The following ASTN2 variants were observed in gnomAD, a reference collection of about 807,000 sequenced individuals.
The protein encoded by ASTN2 is astrotactin 2.
A neutral mutation model predicts 139.8 loss-of-function variants in ASTN2; 54 were observed. The observed-to-expected ratio is 0.39, with a 90% CI of 0.31 to 0.48. ASTN2 has a LOEUF of 0.48. Ranked by LOEUF, ASTN2 falls within the 20% of genes least tolerant of loss-of-function variation. ASTN2 has a pLI of 0.95. For missense variants in ASTN2, 1,565 were observed against 1,725.1 expected (o/e 0.91, Z 1.64); for synonymous variants, 756 against 719.5 (o/e 1.05, Z -0.81).
chr9:116,610,454 A>C (rs62576133), intron 19 of ASTN2, among the ~76,000 whole-genome samples: 23,622 of 152,052 alleles, frequency 0.16, 2,003 homozygotes, highest in African/African-American at 0.2. Flanking sequence ...AAAATACAAA[A>C]ATTAGCTGGG....
intron 1 of ASTN2, among the ~76,000 whole-genome samples, chr9:117,365,313 AAAAGAAAG>A (rs199655241): frequency 3.6e-4 from 53 of 148,158 alleles, no homozygotes; most frequent in South Asian, 1.7e-3. Context: ...GAAAGAAAGA[AAAAGAAAG>A]AAAGAAAGAA....
chr9:117,312,888 A>G (rs1199673013), intron 1 of ASTN2, among the ~76,000 whole-genome samples: 1 of 152,090 alleles, frequency 6.6e-6, no homozygotes, highest in African/African-American at 2.4e-5. Flanking sequence ...CGTAAAAAAA[A>G]CCCATGGAAA....
intron 16 of ASTN2, among the ~76,000 whole-genome samples, chr9:116,684,078 G>C (rs1860053902): frequency 1.3e-5 from 2 of 152,116 alleles, no homozygotes; most frequent in Non-Finnish European, 2.9e-5. Context: ...GGAACCCCAA[G>C]TTATTTTGGG....
intron 2 of ASTN2, among the ~76,000 whole-genome samples, chr9:117,287,762 G>T (rs564831713): frequency 2.0e-5 from 3 of 152,296 alleles, no homozygotes; most frequent in South Asian, 4.1e-4. Flanking sequence ...TTACTCCTAA[G>T]TTGAAGTCCT....
intron 3 of ASTN2, among the ~76,000 whole-genome samples, chr9:117,183,990 A>G (rs7852919): frequency 0.3 from 45,101 of 152,008 alleles, 6,871 homozygotes; most frequent in African/African-American, 0.35. Flanking sequence ...CAGCCCTCAG[A>G]ACCAAGCCAA....
chr9:116,695,647 T>G (rs1003318405), intron 16 of ASTN2, among the ~76,000 whole-genome samples: 38 of 152,318 alleles, frequency 2.5e-4, no homozygotes, highest in Admixed American at 2.3e-3. Flanking sequence ...ATCACAAGAC[T>G]GCACAGATAC....
At chr9:116,680,322 AG>A (rs1384236793) in intron 16 of ASTN2, among the ~76,000 whole-genome samples, 3 of 152,254 alleles carry the variant, frequency 2.0e-5, no homozygotes, top group African/African-American at 7.2e-5. Flanking sequence ...AGACTAAACC[AG>A]GAAGAAGTTG....
chr9:116,532,521 C>A (rs1290218401), intron 19 of ASTN2, among the ~76,000 whole-genome samples: 3 of 152,184 alleles, frequency 2.0e-5, no homozygotes, highest in Non-Finnish European at 1.5e-5. Flanking sequence ...TTCAATCCAC[C>A]TTGAATTAAT....
chr9:117,052,270 C>A (rs1002365086), intron 5 of ASTN2, among the ~76,000 whole-genome samples: 13 of 151,204 alleles, frequency 8.6e-5, no homozygotes, highest in African/African-American at 2.5e-4. Flanking sequence ...GAAACCCCGT[C>A]TTTACTAAAA....
chr9:116,773,085 A>AT (rs11464715), intron 13 of ASTN2, among the ~76,000 whole-genome samples: 98,203 of 143,428 alleles, frequency 0.68, 33,676 homozygotes, highest in Admixed American at 0.72. Flanking sequence ...CCTCCATCCT[A>AT]TTTTTTTTTT....
chr9:117,404,050 G>A (rs559382231), intron 1 of ASTN2, among the ~76,000 whole-genome samples: 53 of 152,306 alleles, frequency 3.5e-4, no homozygotes, highest in African/African-American at 1.3e-3. Context: ...TCCAGGTGGC[G>A]AAGAGGCACA....
At chr9:117,217,669 C>T (rs565109770) in intron 2 of ASTN2, among the ~76,000 whole-genome samples, 2 of 152,294 alleles carry the variant, frequency 1.3e-5, no homozygotes, top group South Asian at 4.1e-4. Flanking sequence ...ATAATGCCAC[C>T]TCATTGGGTC....
chr9:117,348,164 C>A (rs1031897229), intron 1 of ASTN2, among the ~76,000 whole-genome samples: 2 of 152,092 alleles, frequency 1.3e-5, no homozygotes, highest in African/African-American at 4.8e-5. Flanking sequence ...CAGGTCAACC[C>A]GTCTCCCAAG....
At position 116,467,338 on chromosome 9, in the gene ASTN2, C is replaced by T. The variant is rs1034775368; in HGVS notation, c.3497+20021G>A. ...CTGGAGTGCAGTGGTGCGATCTTGG[C>T]TCACTGCAACCTCCCCCTCCCGGGT... On this transcript the variant is annotated intron_variant, in intron 20 of 22. Transcript: ENST00000313400. 7.9e-5 allele frequency among the ~76,000 whole-genome samples: 12 copies of T among 152,296 alleles called. No individual in the cohort carries two copies. In the South Asian group the frequency reaches 2.3e-3, roughly 29 times the overall value.
At chr9:116,884,811 C>CCCA (rs1554756749) in intron 10 of ASTN2, among the ~76,000 whole-genome samples, 40 of 126,414 alleles carry the variant, frequency 3.2e-4, no homozygotes, top group Non-Finnish European at 5.4e-4. Flanking sequence ...CCGCCCCCCC[C>CCCA]CCACCCACTT....
At chr9:116,651,818 G>A (rs747857565) in intron 16 of ASTN2, 25 bp from the exon 17 acceptor site, 3 of 1,605,972 alleles carry the variant, frequency 1.9e-6, no homozygotes, top group Non-Finnish European at 2.6e-6. Context: ...GACAGGAAGA[G>A]CGAAAGGTAA....
chr9:116,684,626 C>T (rs773905051), intron 16 of ASTN2, among the ~76,000 whole-genome samples: 3 of 152,114 alleles, frequency 2.0e-5, no homozygotes, highest in Non-Finnish European at 2.9e-5. Context: ...CCTTAGAAGC[C>T]CAGCCAGACC....
At chr9:117,368,475 G>T (rs976967430) in intron 1 of ASTN2, among the ~76,000 whole-genome samples, 1 of 152,062 alleles carries the variant, frequency 6.6e-6, no homozygotes, top group African/African-American at 2.4e-5. Flanking sequence ...AAGAACAAAC[G>T]AATCTGCTGT....
At chr9:117,049,507 C>T (rs1158503064) in intron 5 of ASTN2, among the ~76,000 whole-genome samples, 1 of 152,148 alleles carries the variant, frequency 6.6e-6, no homozygotes, top group Non-Finnish European at 1.5e-5. Context: ...ATAATATTAG[C>T]AGAGCCCAAT....
Sources: gnomAD v4.1 joint callset for allele counts (sites outside exome capture counted in the v4.1 genomes callset) on GRCh38, gnomAD v4.1.1 for gene constraint, MANE v1.5 for transcripts, NCBI Gene and HGNC (gene_info 2026-07-23, HGNC 2026-07-21) for gene names.